KIN: variants seen among roughly 807,000 people sequenced by gnomAD.
KIN encodes the protein DNA/RNA-binding protein KIN17.
KIN carries 47 observed loss-of-function variants against 63.0 expected under a neutral mutation model. The ratio of observed to expected loss-of-function variants is 0.75; its 90% CI spans 0.59 to 0.95. KIN has a LOEUF of 0.95. Among genes scored for constraint, KIN ranks in the 40% least tolerant of loss-of-function variants. The probability of loss-of-function intolerance (pLI) is 0.00; values close to 1 mark genes in which losing one functional copy is unlikely to be tolerated. For synonymous variants in KIN, 160 were observed against 157.7 expected, an observed-to-expected ratio of 1.01 and a Z score of -0.11; for missense variants, 408 against 460.9, an observed-to-expected ratio of 0.89 and a Z score of 1.05.
Position 7,759,931 on chromosome 10 carries a change from T to C in KIN, c.1078A>G (p.Ile360Val). 6.3e-7 allele frequency: 1 copy of C among 1,580,500 alleles called. No individual in the cohort carries two copies. Among genetic ancestry groups the C allele is most frequent in the Non-Finnish European group, 8.6e-7 (1 of 1,160,356 alleles). The change falls in exon 12 of 13, where the codon ATC (isoleucine) becomes GTC (valine). Residue 360 changes from isoleucine (I) to valine (V), a missense_variant. Physicochemically the swap from Ile to Val is conservative, Grantham distance 29. Transcript: ENST00000379562. ...GTAGCTGAAAAAGTCTTCTCATTGA[T>C]GGATTCTAGGGTACCTTCATTTCCT... ...YRGNEGTLES[I>V]NEKTFSATIV...
chr10:7,763,621 T>C (rs1835481300), intron 10 of KIN, 102 bp downstream of exon 10: 2 of 682,128 alleles, frequency 2.9e-6, no homozygotes, highest in East Asian at 5.3e-5. Context: ...TTAAACATAG[T>C]ACTTCTGCTA....
chr10:7,768,099 C>T (rs1267736467), intron 8 of KIN, among the ~76,000 whole-genome samples: 1 of 152,066 alleles, frequency 6.6e-6, no homozygotes, highest in East Asian at 1.9e-4. Flanking sequence ...AATTAAGAAC[C>T]TCCTGCAGCA....
chr10:7,787,729 C>T, intron 1 of KIN, 91 bp downstream of exon 1: 1 of 1,003,688 alleles, frequency 1.0e-6, no homozygotes, highest in Non-Finnish European at 1.6e-6. Context: ...CCGGGAGCCC[C>T]AGCCCCGCGC....
intron 7 of KIN, among the ~76,000 whole-genome samples, chr10:7,774,157 C>T (rs1165514445): frequency 6.6e-6 from 1 of 152,198 alleles, no homozygotes; most frequent in Non-Finnish European, 1.5e-5. Flanking sequence ...AAAATATTTA[C>T]TATGTGGCTC....
At chr10:7,759,226 G>C (rs1835392108) in intron 12 of KIN, among the ~76,000 whole-genome samples, 1 of 152,118 alleles carries the variant, frequency 6.6e-6, no homozygotes, top group South Asian at 2.1e-4. Flanking sequence ...TAGCATCAAA[G>C]ATATGCAGTG....
In KIN at chr10:7,751,929, G is replaced by A. The variant is rs1320503992; in HGVS notation, c.*4151C>T. The A allele has an allele frequency of 1.4e-4, 4 of 28,884 alleles. 2 individuals are homozygous for A. The highest frequency in any genetic ancestry group is 2.7e-4 in the Non-Finnish European group (4 of 14,952). 1.8% of individuals were successfully genotyped at this position (28,884 alleles called of 1,614,324 possible). ...GGGCGCCTGTAGTCCCAGCTACTCG[G>A]GAGGCTGAGGCAGGAGAATGGCGTG... On this transcript the variant is annotated 3_prime_UTR_variant, in exon 13 of 13. Coordinates refer to ENST00000379562, the MANE Select transcript of KIN (RefSeq NM_012311.4).
intron 9 of KIN, among the ~76,000 whole-genome samples, chr10:7,764,566 C>T (rs1029925125): frequency 1.1e-4 from 16 of 152,154 alleles, no homozygotes; most frequent in African/African-American, 3.4e-4. Flanking sequence ...TGCTTAAAAT[C>T]GTACTAACAA....
At chr10:7,760,134 T>C (rs755788075) in intron 11 of KIN, 144 bp from the exon 12 acceptor site, 26 of 500,174 alleles carry the variant, frequency 5.2e-5, no homozygotes, top group Non-Finnish European at 9.0e-5. Flanking sequence ...ATTTAAGAAG[T>C]GTGTAGTATT....
At chr10:7,759,779 G>C (rs1233727816) in intron 12 of KIN, 111 bp downstream of exon 12, 23 of 607,992 alleles carry the variant, frequency 3.8e-5, no homozygotes, top group Non-Finnish European at 6.3e-5. Context: ...AAATAGGATA[G>C]AAGGCTAACA....
rs1835317916 is a variant in KIN at position 7,755,587 on chromosome 10, A to G, written c.*493T>C. 1 of 152,284 alleles carries G rather than the reference A, an allele frequency of 6.6e-6. No homozygotes were observed. Among genetic ancestry groups the G allele is most frequent in the African/African-American group, 2.4e-5 (1 of 41,474 alleles). The allele number at this position is 152,284 out of a possible 1,614,324, so 9.4% of individuals were successfully genotyped here. ...AGTGGTGATGGCTGCACAATTCTGC[A>G]AAAATACTAAAAACCACTGAATTGT... On this transcript the variant is annotated 3_prime_UTR_variant, in exon 13 of 13. Coordinates refer to ENST00000379562, the MANE Select transcript of KIN (RefSeq NM_012311.4).
At chr10:7,780,572 T>C (rs1303903190) in intron 2 of KIN, among the ~76,000 whole-genome samples, 1 of 152,084 alleles carries the variant, frequency 6.6e-6, no homozygotes, top group African/African-American at 2.4e-5. Context: ...TTTTGTTTCG[T>C]ATTTTTCGTA....
chr10:7,778,575 C>A (rs577362146), intron 5 of KIN, among the ~76,000 whole-genome samples: 1 of 152,102 alleles, frequency 6.6e-6, no homozygotes, highest in Non-Finnish European at 1.5e-5. Flanking sequence ...CCTGTCTCTA[C>A]TAACAATACA....
At chr10:7,786,576 A>G (rs1486655086) in intron 1 of KIN, among the ~76,000 whole-genome samples, 1 of 151,942 alleles carries the variant, frequency 6.6e-6, no homozygotes, top group Non-Finnish European at 1.5e-5. Flanking sequence ...AGCCTGCATG[A>G]TGAACAGGGT....
chr10:7,784,672 T>C (rs966834605), intron 1 of KIN, among the ~76,000 whole-genome samples: 10 of 151,946 alleles, frequency 6.6e-5, no homozygotes, highest in Admixed American at 1.3e-4. Flanking sequence ...TGGCAGCCAA[T>C]CATAAATGTT....
chr10:7,786,055 G>T (rs1392382515), intron 1 of KIN, among the ~76,000 whole-genome samples: 1 of 152,154 alleles, frequency 6.6e-6, no homozygotes, highest in Non-Finnish European at 1.5e-5. Context: ...ATGGATTCTG[G>T]ATGATACTGA....
intron 10 of KIN, 75 bp from the exon 11 acceptor site, chr10:7,762,631 A>C: frequency 1.4e-6 from 1 of 697,774 alleles, no homozygotes; most frequent in Non-Finnish European, 2.4e-6. Flanking sequence ...AAGCAAATGA[A>C]ATGAAGACAA....
At chr10:7,758,684 A>G (rs963222232) in intron 12 of KIN, among the ~76,000 whole-genome samples, 6 of 152,130 alleles carry the variant, frequency 3.9e-5, no homozygotes, top group African/African-American at 1.4e-4. Context: ...GCAAAAAAAA[A>G]AAAAAAAGAA....
chr10:7,759,045 A>G (rs1010452282), intron 12 of KIN, among the ~76,000 whole-genome samples: 1 of 152,214 alleles, frequency 6.6e-6, no homozygotes, highest in Admixed American at 6.5e-5. Context: ...TAACAGGTCC[A>G]TGGGCTTAGG....
At chr10:7,785,683 G>C (rs918660107) in intron 1 of KIN, among the ~76,000 whole-genome samples, 2 of 151,886 alleles carry the variant, frequency 1.3e-5, no homozygotes, top group Admixed American at 6.6e-5. Context: ...ATCCCAGCCT[G>C]TAAAGTAGCT....
Sources: gnomAD v4.1 joint callset for allele counts (sites outside exome capture counted in the v4.1 genomes callset) on GRCh38, gnomAD v4.1.1 for gene constraint, MANE v1.5 for transcripts, NCBI Gene and HGNC (gene_info 2026-07-23, HGNC 2026-07-21) for gene names.